The following MPO variants were observed in gnomAD, a reference collection of about 807,000 sequenced individuals.
MPO encodes myeloperoxidase.
MPO carries 57 observed loss-of-function variants against 69.4 expected under a neutral mutation model. The observed-to-expected ratio is 0.82, with a 90% confidence interval of 0.66 to 1.02. The LOEUF (loss-of-function observed/expected upper bound fraction) is 1.02, where lower values mean the gene tolerates loss of function less well. Ranked by LOEUF, MPO falls within the 50% of genes least tolerant of loss-of-function variation. The probability of loss-of-function intolerance (pLI) is 0.00; values close to 1 mark genes in which losing one functional copy is unlikely to be tolerated. For synonymous variants in MPO, 426 were observed against 417.1 expected, an observed-to-expected ratio of 1.02 and a Z score of -0.26; for missense variants, 971 against 1,014.1, an observed-to-expected ratio of 0.96 and a Z score of 0.58.
chr17:58,272,536 C>T (rs533720381), intron 10 of MPO, among the ~76,000 whole-genome samples: 2 of 152,216 alleles, frequency 1.3e-5, no homozygotes, highest in African/African-American at 4.8e-5. Flanking sequence ...ATGAGAATTA[C>T]AGCATGCAAA....
chr17:58,276,882 G>A (rs911267847), intron 7 of MPO, among the ~76,000 whole-genome samples: 3 of 152,172 alleles, frequency 2.0e-5, no homozygotes, highest in Non-Finnish European at 4.4e-5. Context: ...GTTAAGGTGG[G>A]CAGATCATGA....
chr17:58,279,805 G>A, intron 3 of MPO, 34 bp downstream of exon 3: 1 of 1,613,868 alleles, frequency 6.2e-7, no homozygotes, highest in Non-Finnish European at 8.5e-7. Context: ...GTCACTAGTG[G>A]AGCAGGGACC....
Position 58,270,876 on chromosome 17 carries a change from C to A in MPO, c.2031-13G>T. On this transcript the variant is annotated splice_polypyrimidine_tract_variant and intron_variant, in intron 11 of 11. Transcript: ENST00000225275. The surrounding 1 kb of genome is among the most constrained non-coding windows in gnomAD (Gnocchi z 4.1). ...CTCCCACCAAAACCTGCATGGGGAA[C>A]ACCCATGGACACTGTGCCCAAGGAT... is the stretch of plus-strand genomic sequence containing the variant. 1 of 1,612,056 alleles carries A rather than the reference C, an allele frequency of 6.2e-7. No individual in the cohort carries two copies.
intron 9 of MPO, among the ~76,000 whole-genome samples, 185 bp downstream of exon 9, chr17:58,273,229 C>T (rs377590428): frequency 1.1e-4 from 17 of 152,150 alleles, no homozygotes; most frequent in Non-Finnish European, 1.8e-4. Context: ...GAGGGCCATC[C>T]CCACCCCACT....
In MPO at chr17:58,275,825, T is replaced by C; in HGVS notation, c.1205-123A>G. The C allele has an allele frequency of 8.2e-7, 1 of 1,213,410 alleles. No individual in the cohort carries two copies. Among genetic ancestry groups the C allele is most frequent in the Non-Finnish European group, 1.2e-6 (1 of 847,006 alleles). The allele number at this position is 1,213,410 out of a possible 1,614,324, so 75.2% of individuals were successfully genotyped here. A position where few individuals can be genotyped will look rare whatever the true frequency, so the allele number is the denominator to read the frequency against. ...CCTACTCACCCCTCCTCCCCATCCA[T>C]CTTTTCAAACTATCCCCAATTTACA... On this transcript the variant is annotated intron_variant, in intron 7 of 11. Coordinates refer to ENST00000225275, the MANE Select transcript of MPO (RefSeq NM_000250.2). This position sits in a 1 kb window ranked among gnomAD's most constrained non-coding sequence, Gnocchi z 4.1.
At chr17:58,272,681 G>A (rs543855522) in intron 10 of MPO, 67 bp downstream of exon 10, 5 of 1,557,022 alleles carry the variant, frequency 3.2e-6, no homozygotes, top group African/African-American at 1.4e-5. Context: ...GGGAAGGGGG[G>A]TGATGGGCTA....
Position 58,279,914 on chromosome 17 carries a change from C to T in MPO, c.349G>A (p.Asp117Asn), listed in dbSNP as rs761336877. The T allele has an allele frequency of 1.6e-4, 251 of 1,613,918 alleles. No homozygotes were observed. Among genetic ancestry groups the T allele is most frequent in the Non-Finnish European group, 2.1e-4 (246 of 1,180,024 alleles). The change falls in exon 3 of 12, where the codon GAC (aspartate) becomes AAC (asparagine). Residue 117 changes from aspartate to asparagine, a missense_variant. Transcript: ENST00000225275. ...AATRTAVRAA[D>N]YLHVALDLLE... ...AGGTCTAGAGCCACGTGCAGGTAGT[C>T]AGCGGCCCTCACCGCCGTCCTGGTG...
rs767826969 is a variant in MPO at position 58,275,707 on chromosome 17, G to A, written c.1205-5C>T. On this transcript the variant is annotated splice_region_variant and splice_polypyrimidine_tract_variant and intron_variant, in intron 7 of 11. Transcript: ENST00000225275. This position sits in a 1 kb window ranked among gnomAD's most constrained non-coding sequence, Gnocchi z 4.1. ...TCTCACTGGAACGGGTGTCCCCTTGGGGAGGCAAAAGCCACTGTCATTCTT... is the reference window on the plus strand; with the variant it reads ...TCTCACTGGAACGGGTGTCCCCTTGAGGAGGCAAAAGCCACTGTCATTCTT... 4 of 1,614,094 alleles carry A rather than the reference G, an allele frequency of 2.5e-6. No homozygotes were observed. Among genetic ancestry groups the A allele is most frequent in the Non-Finnish European group, 3.4e-6 (4 of 1,180,016 alleles).
chr17:58,278,146 C>T lies in MPO; in HGVS notation c.886-1G>A. The T allele has an allele frequency of 6.2e-7, 1 of 1,600,628 alleles. No individual in the cohort carries two copies. The highest frequency in any genetic ancestry group is 8.5e-7 in the Non-Finnish European group (1 of 1,179,896). On this transcript the variant is annotated splice_acceptor_variant, in intron 6 of 11. Coordinates refer to ENST00000225275, the MANE Select transcript of MPO (RefSeq NM_000250.2). LOFTEE classifies it high-confidence loss of function. ...TGATGCGGGGGTCATTGGGCGGGAT[C>T]TGAGGCACAGAGAGAGGCTAGACTG...
intron 6 of MPO, 80 bp downstream of exon 6, chr17:58,278,928 T>G (rs1269479236): frequency 6.7e-7 from 1 of 1,490,176 alleles, no homozygotes; most frequent in Non-Finnish European, 9.0e-7. Context: ...AAAGGAAACC[T>G]GGGCACAGAA....
Position 58,272,730 on chromosome 17 carries a change from A to G in MPO, c.1792+18T>C. ...TCAGGGGAGGTGAGCATCAGGGGAG[A>G]CTCCTGCAGCCCCTCACCTGGGAGG... On this transcript the variant is annotated intron_variant, in intron 10 of 11. Coordinates refer to ENST00000225275, the MANE Select transcript of MPO (RefSeq NM_000250.2). 1 of 1,610,620 alleles carries G rather than the reference A, an allele frequency of 6.2e-7. No homozygotes were observed. The highest frequency in any genetic ancestry group is 8.5e-7 in the Non-Finnish European group (1 of 1,178,684).
intron 8 of MPO, chr17:58,274,158 G>A (rs1484132388): frequency 2.0e-6 from 1 of 496,834 alleles, no homozygotes; most frequent in African/African-American, 1.9e-5. Flanking sequence ...TGGAAAGCAG[G>A]GAGGCAGGAA....
intron 11 of MPO, among the ~76,000 whole-genome samples, chr17:58,271,137 A>T (rs1382960447): frequency 6.6e-6 from 1 of 152,120 alleles, no homozygotes; most frequent in African/African-American, 2.4e-5. Context: ...CCGGGCCCAC[A>T]CACACTCCTG....
At chr17:58,276,440 T>TC (rs1165030538) in intron 7 of MPO, among the ~76,000 whole-genome samples, 2 of 152,116 alleles carry the variant, frequency 1.3e-5, no homozygotes, top group African/African-American at 4.8e-5. Flanking sequence ...CCCCTAGTCC[T>TC]CCCAGAACCC....
At chr17:58,280,149 G>C (rs1970497898) in intron 2 of MPO, 135 bp from the exon 3 acceptor site, 1 of 1,218,336 alleles carries the variant, frequency 8.2e-7, no homozygotes, top group Non-Finnish European at 1.2e-6. Context: ...TTATAAAAAG[G>C]ATATGGACCT....
chr17:58,279,226 G>T lies in MPO; in HGVS notation c.679-12C>A. ...GAGACCGCGCGAGCCTGCGGGACACGGAGATCAGCTGGCGCCTGGGTCCGC... is the reference window on the plus strand; with the variant it reads ...GAGACCGCGCGAGCCTGCGGGACACTGAGATCAGCTGGCGCCTGGGTCCGC... On this transcript the variant is annotated splice_polypyrimidine_tract_variant and intron_variant, in intron 5 of 11. Transcript: ENST00000225275. The T allele has an allele frequency of 1.3e-6, 2 of 1,593,406 alleles. No individual in the cohort carries two copies. Among genetic ancestry groups the T allele is most frequent in the Non-Finnish European group, 1.7e-6 (2 of 1,169,914 alleles).
chr17:58,273,896 C>G (rs1970401421), intron 8 of MPO, among the ~76,000 whole-genome samples: 1 of 152,164 alleles, frequency 6.6e-6, no homozygotes, highest in Admixed American at 6.5e-5. Context: ...GACCTTGGAC[C>G]AATTATTAAC....
Position 58,270,477 on chromosome 17 carries a change from G to T in MPO, c.*179C>A, listed in dbSNP as rs996777543. ...CTCCCCATGTTCAGACAACACACAC[G>T]CATGAAAAGCCAATTTATATACTTC... is the stretch of plus-strand genomic sequence containing the variant. On this transcript the variant is annotated 3_prime_UTR_variant, in exon 12 of 12. Transcript: ENST00000225275. The surrounding 1 kb of genome is among the most constrained non-coding windows in gnomAD (Gnocchi z 4.1). 2 of 655,286 alleles carry T rather than the reference G, an allele frequency of 3.1e-6. No homozygotes were observed. The highest frequency in any genetic ancestry group is 1.8e-5 in the African/African-American group (1 of 55,986). The allele number at this position is 655,286 out of a possible 1,614,324, so 40.6% of individuals were successfully genotyped here. A position where few individuals can be genotyped will look rare whatever the true frequency, so the allele number is the denominator to read the frequency against.
rs769817271 is a variant in MPO at position 58,279,352 on chromosome 17, G to A, written c.623C>T (p.Ser208Phe). 1.9e-6 allele frequency: 3 copies of A among 1,586,866 alleles called. No individual in the cohort carries two copies. The highest frequency in any genetic ancestry group is 2.6e-6 in the Non-Finnish European group (3 of 1,166,630). The change falls in exon 5 of 12, where the codon TCT becomes TTT. Residue 208 changes from serine to phenylalanine, a missense_variant. Ser to Phe is a radical substitution (Grantham distance 155). Coordinates refer to ENST00000225275, the MANE Select transcript of MPO (RefSeq NM_000250.2). ...CCCGGGCGTCCAGCCGTAGGGAAGA[G>A]AGAAGCCGTCCTCATACTCCGCCGG... ...WLPAEYEDGFSLPYGWTPGVK... is the reference protein window; with the variant it reads ...WLPAEYEDGFFLPYGWTPGVK...
Sources: gnomAD v4.1 joint callset for allele counts (sites outside exome capture counted in the v4.1 genomes callset) on GRCh38, gnomAD v4.1.1 for gene constraint, Gnocchi (gnomAD v3.1) non-coding constraint, MANE v1.5 for transcripts, NCBI Gene and HGNC (gene_info 2026-07-23, HGNC 2026-07-21) for gene names.